RBM7: variants seen among roughly 807,000 people sequenced by gnomAD.
RBM7 encodes the protein RNA binding motif protein 7.
A neutral mutation model predicts 31.0 loss-of-function variants in RBM7; 13 were observed. The observed-to-expected ratio is 0.42, with a 90% CI of 0.27 to 0.67. The LOEUF (loss-of-function observed/expected upper bound fraction) is 0.67, where lower values mean the gene tolerates loss of function less well. Among genes scored for constraint, RBM7 ranks in the 30% least tolerant of loss-of-function variants. The pLI is 0.24. For missense variants in RBM7, 245 were observed against 326.2 expected, an observed-to-expected ratio of 0.75 and a Z score of 1.92; for synonymous variants, 106 against 111.2, an observed-to-expected ratio of 0.95 and a Z score of 0.30.
In RBM7 at chr11:114,408,637, C is replaced by G. The variant is rs1946299431; in HGVS notation, c.*830C>G. On this transcript the variant is annotated 3_prime_UTR_variant, in exon 5 of 5. Coordinates refer to ENST00000375490, the MANE Select transcript of RBM7 (RefSeq NM_001286045.2). ...GCTTCTGTCAGTCAAACGTTAAAAA[C>G]TTTAACATTTTCAAAGTGCCCAGAC... The G allele has an allele frequency of 1.3e-5, 2 of 152,526 alleles. No individual in the cohort carries two copies. Among genetic ancestry groups the G allele is most frequent in the South Asian group, 2.1e-4 (1 of 4,836 alleles). 9.4% of individuals were successfully genotyped at this position (152,526 alleles called of 1,614,324 possible).
chr11:114,405,607 G>T, intron 3 of RBM7, 99 bp from the exon 4 acceptor site: 1 of 708,780 alleles, frequency 1.4e-6, no homozygotes, highest in East Asian at 3.0e-5. Context: ...TACCTTTCCT[G>T]TCTTGTTCAT....
chr11:114,405,760 A>T lies in RBM7; in HGVS notation c.402A>T (p.Arg134Ser). 6.2e-7 allele frequency: 1 copy of T among 1,608,072 alleles called. No individual in the cohort carries two copies. Among genetic ancestry groups the T allele is most frequent in the Non-Finnish European group, 8.5e-7 (1 of 1,177,526 alleles). Reference sequence around the variant, plus strand: ...CTTCATCAGCACAGATAATTCAGAGATCTTTCTCTTCTCCAGAAAATTTTC... The same window carrying T: ...CTTCATCAGCACAGATAATTCAGAGTTCTTTCTCTTCTCCAGAAAATTTTC... ...NMTSSAQIIQ[R>S]SFSSPENFQR... Residue 134 changes from arginine (R) to serine (S), a missense_variant, in exon 4 of 5, where the codon AGA becomes AGT. Coordinates refer to ENST00000375490, the MANE Select transcript of RBM7 (RefSeq NM_001286045.2).
chr11:114,402,052 C>A (rs1320308757), intron 2 of RBM7, 192 bp downstream of exon 2: 19 of 532,728 alleles, frequency 3.6e-5, no homozygotes, highest in Non-Finnish European at 5.6e-5. Context: ...ATTAGAATTT[C>A]AAAACTGAGC....
At position 114,402,855 on chromosome 11, in the gene RBM7, G is replaced by A. The variant is rs766110528; in HGVS notation, c.287G>A (p.Ser96Asn). The A allele has an allele frequency of 1.9e-6, 3 of 1,612,968 alleles. No homozygotes were observed. The highest frequency in any genetic ancestry group is 1.7e-5 in the Admixed American group (1 of 59,976). ...SGSSHAPQDV[S>N]LSYPQHHVGN... ...AGTAGTCATGCCCCACAAGATGTCA[G>A]TTTGTCATATCCCCAACATCATGTT... Residue 96 changes from serine to asparagine, a missense_variant, in exon 3 of 5, where the codon AGT (serine) becomes AAT (asparagine). Physicochemically the swap from Ser to Asn is conservative, Grantham distance 46 (BLOSUM62 1). Coordinates refer to ENST00000375490, the MANE Select transcript of RBM7 (RefSeq NM_001286045.2).
In RBM7 at chr11:114,402,382, CTTTTTTTTTTTTTTTTTTTTTTTTTT is replaced by C. The variant is rs71063570; in HGVS notation, c.260-432_260-407del. On this transcript the variant is annotated intron_variant, in intron 2 of 4. Coordinates refer to ENST00000375490, the MANE Select transcript of RBM7 (RefSeq NM_001286045.2). ...AAGCGGTCTACAGCAGCTTGAGATT[CTTTTTTTTTTTTTTTTTTTTTTTTTT>C]TTTTTTTTTTTTTGAGATGGAGTCT... 3.6e-4 allele frequency among the ~76,000 whole-genome samples: 18 copies of C among 50,162 alleles called. 1 individual carries two copies. Among genetic ancestry groups the C allele is most frequent in the Admixed American group, 2.1e-3 (7 of 3,288 alleles). 32.9% of individuals were successfully genotyped at this position (50,162 alleles called of 152,430 possible).
In RBM7 at chr11:114,407,454, G is replaced by T. The variant is rs760609996; in HGVS notation, c.451G>T (p.Ala151Ser). The change falls in exon 5 of 5, where the codon GCT becomes TCT. Residue 151 changes from alanine (A) to serine (S), a missense_variant. By Grantham distance (99) the Ala-to-Ser change is moderately conservative. Coordinates refer to ENST00000375490, the MANE Select transcript of RBM7 (RefSeq NM_001286045.2). ...TTTTCCTATTCCTCAGATGAACAGTGCTTTGAGACAAATGTCATATGGTGG... is the reference window on the plus strand; with the variant it reads ...TTTTCCTATTCCTCAGATGAACAGTTCTTTGAGACAAATGTCATATGGTGG... ...NFQRQAVMNS[A>S]LRQMSYGGKF... The T allele has an allele frequency of 1.2e-5, 19 of 1,611,170 alleles. No individual in the cohort carries two copies. The Middle Eastern group carries it at 4.9e-4, about 42-fold the overall frequency.
rs1046788893 is a variant in RBM7 at position 114,402,401 on chromosome 11, T to C, written c.260-427T>C. ...GAGATTCTTTTTTTTTTTTTTTTTT[T>C]TTTTTTTTTTTTTTTTTTTTGAGAT... On this transcript the variant is annotated intron_variant, in intron 2 of 4. Coordinates refer to ENST00000375490, the MANE Select transcript of RBM7 (RefSeq NM_001286045.2). Among the ~76,000 whole-genome samples, 355 of 117,138 alleles carry C rather than the reference T, an allele frequency of 3.0e-3. 8 individuals carry two copies. Among genetic ancestry groups the C allele is most frequent in the African/African-American group, 0.011 (334 of 30,478 alleles). 76.8% of individuals were successfully genotyped at this position (117,138 alleles called of 152,430 possible).
At chr11:114,403,177 C>T (rs1347524844) in intron 3 of RBM7, among the ~76,000 whole-genome samples, 1 of 152,144 alleles carries the variant, frequency 6.6e-6, no homozygotes, top group African/African-American at 2.4e-5. Context: ...CATAACCATA[C>T]CCACATATGT....
intron 2 of RBM7, chr11:114,402,214 G>T (rs1465748335): frequency 5.1e-6 from 1 of 197,558 alleles, no homozygotes; most frequent in African/African-American, 2.4e-5. Flanking sequence ...TCTTGATCAT[G>T]TGAGGATGAA....
rs1478294996 is a variant in RBM7, at chr11:114,407,711, C to G, written c.708C>G (p.Phe236Leu). 1 of 1,613,980 alleles carries G rather than the reference C, an allele frequency of 6.2e-7. No homozygotes were observed. Among genetic ancestry groups the G allele is most frequent in the East Asian group, 2.2e-5 (1 of 44,900 alleles). ...ATTACAGAGGAAAGAGAGATGATTT[C>G]TTCTATGAAGACAGGAATCATGATG... Reference protein sequence around the residue: ...DHHYRGKRDDFFYEDRNHDDW... With the variant: ...DHHYRGKRDDLFYEDRNHDDW... Residue 236 changes from phenylalanine to leucine, a missense_variant, in exon 5 of 5, where the codon TTC becomes TTG. By Grantham distance (22) the Phe-to-Leu change is conservative. Transcript: ENST00000375490.
At chr11:114,402,354 G>A (rs1383484079) in intron 2 of RBM7, among the ~76,000 whole-genome samples, 3 of 138,898 alleles carry the variant, frequency 2.2e-5, no homozygotes, top group Admixed American at 1.5e-4. Context: ...CGATGAAGCC[G>A]TAAAGCGGTC....
In RBM7 at chr11:114,400,704, T is replaced by C. The variant is rs142023762; in HGVS notation, c.33T>C (p.Thr11=). Residue 11 remains threonine (T), a synonymous_variant, in exon 1 of 5, where the codon ACT becomes ACC. Transcript: ENST00000375490. The stretch of plus-strand genomic sequence containing the variant: ...CGGCGGCGGCGGAAGCGGATCGCAC[T>C]CTCTTTGTGGGCAACCTTGAAACGA... MGAAAAEADR[T]LFVGNLETKV... is the part of the protein sequence containing the mutation. 6.1e-4 allele frequency: 979 copies of C among 1,614,170 alleles called. 5 individuals carry two copies. In the African/African-American group the frequency reaches 0.011, roughly 18 times the overall value.
At position 114,408,524 on chromosome 11, in the gene RBM7, A is replaced by T. The variant is rs894320474; in HGVS notation, c.*717A>T. ...AATCCCCTTTTCAGGAAGAACAAAA[A>T]TGTCAGTGCATAGTTAGATAAAATG... is the stretch of plus-strand genomic sequence containing the variant. On this transcript the variant is annotated 3_prime_UTR_variant, in exon 5 of 5. Coordinates refer to ENST00000375490, the MANE Select transcript of RBM7 (RefSeq NM_001286045.2). 6.6e-6 allele frequency: 1 copy of T among 152,216 alleles called. No homozygotes were observed. Among genetic ancestry groups the T allele is most frequent in the Admixed American group, 6.5e-5 (1 of 15,286 alleles). 9.4% of individuals were successfully genotyped at this position (152,216 alleles called of 1,614,324 possible).
Position 114,408,783 on chromosome 11 carries a change from T to C in RBM7, c.*976T>C, listed in dbSNP as rs1946301578. 1 of 152,186 alleles carries C rather than the reference T, an allele frequency of 6.6e-6. No homozygotes were observed. Among genetic ancestry groups the C allele is most frequent in the Admixed American group, 6.5e-5 (1 of 15,284 alleles). 9.4% of individuals were successfully genotyped at this position (152,186 alleles called of 1,614,324 possible). A position where few individuals can be genotyped will look rare whatever the true frequency, so the allele number is the denominator to read the frequency against. On this transcript the variant is annotated 3_prime_UTR_variant, in exon 5 of 5. Coordinates refer to ENST00000375490, the MANE Select transcript of RBM7 (RefSeq NM_001286045.2). ...TTTAAAATCTTGTTTAACAAAAGCT[T>C]GTATTAAGATACTGTTTTCATTTCA...
chr11:114,407,362 C>A (rs1946278219), intron 4 of RBM7, 83 bp from the exon 5 acceptor site: 2 of 1,437,824 alleles, frequency 1.4e-6, no homozygotes, highest in Non-Finnish European at 1.9e-6. Context: ...ACTTTATTTT[C>A]TTTCATTTTC....
intron 2 of RBM7, among the ~76,000 whole-genome samples, chr11:114,402,403 T>C (rs1367563482): frequency 2.9e-4 from 35 of 120,686 alleles, no homozygotes; most frequent in African/African-American, 1.1e-3. Flanking sequence ...TTTTTTTTTT[T>C]TTTTTTTTTT....
intron 2 of RBM7, 56 bp from the exon 3 acceptor site, chr11:114,402,772 A>AAAATTTC: frequency 6.8e-7 from 1 of 1,465,234 alleles, no homozygotes; most frequent in East Asian, 2.3e-5. Flanking sequence ...TGGGGAAGAC[A>AAAATTTC]AAATTTCAAA....
chr11:114,401,198 T>C (rs1389737411), intron 1 of RBM7, among the ~76,000 whole-genome samples: 1 of 152,224 alleles, frequency 6.6e-6, no homozygotes, highest in Admixed American at 6.5e-5. Flanking sequence ...AATTGCAGCA[T>C]TATTAAAATA....
rs1946291559 is a variant in RBM7, at chr11:114,408,124, TG to T, written c.*318del. The T allele has an allele frequency of 6.0e-6, 1 of 165,974 alleles. No homozygotes were observed. 10.3% of individuals were successfully genotyped at this position (165,974 alleles called of 1,614,324 possible). On this transcript the variant is annotated 3_prime_UTR_variant, in exon 5 of 5. Transcript: ENST00000375490. ...ATATTTTAATTATTTGTTATCTTTTTGTATTGCAAGAAATTTCTTGCTAGTG... is the reference window on the plus strand; with the variant it reads ...ATATTTTAATTATTTGTTATCTTTTTTATTGCAAGAAATTTCTTGCTAGTG...
Sources: allele counts gnomAD v4.1 joint callset (sites outside exome capture counted in the v4.1 genomes callset), GRCh38; gene constraint gnomAD v4.1.1; transcripts MANE v1.5; gene names NCBI Gene and HGNC (gene_info 2026-07-23, HGNC 2026-07-21).